CSMD1: variants seen among roughly 807,000 people sequenced by gnomAD.
CSMD1 encodes the protein CUB and Sushi multiple domains 1.
A neutral mutation model predicts 417.5 loss-of-function variants in CSMD1; 213 were observed. That is an observed-to-expected ratio of 0.51 (90% CI 0.46 to 0.57). The LOEUF (loss-of-function observed/expected upper bound fraction) is 0.57. Ranked by LOEUF, CSMD1 falls within the 20% of genes least tolerant of loss-of-function variation. The pLI is 0.00. For synonymous variants in CSMD1, 2,862 were observed against 1,736.8 expected, an observed-to-expected ratio of 1.65 and a Z score of -16.11; for missense variants, 6,923 against 4,529.7, an observed-to-expected ratio of 1.53 and a Z score of -15.17.
intron 7 of CSMD1, among the ~76,000 whole-genome samples, chr8:3,675,804 G>T (rs962558958): frequency 6.6e-6 from 1 of 152,146 alleles, no homozygotes; most frequent in Non-Finnish European, 1.5e-5. Flanking sequence ...ATGATATTTT[G>T]TTATAGCAGC....
intron 1 of CSMD1, among the ~76,000 whole-genome samples, chr8:4,712,714 C>G (rs928496432): frequency 2.0e-5 from 3 of 152,024 alleles, no homozygotes; most frequent in African/African-American, 4.8e-5. Context: ...GTTTTTTTCT[C>G]TCTCTCTTTT....
intron 5 of CSMD1, among the ~76,000 whole-genome samples, chr8:3,870,430 T>A: frequency 6.6e-6 from 1 of 152,186 alleles, no homozygotes; most frequent in East Asian, 1.9e-4. Context: ...TTTATATGCA[T>A]ATATCTTTAC....
intron 2 of CSMD1, among the ~76,000 whole-genome samples, chr8:4,545,428 C>G (rs960574505): frequency 2.0e-5 from 3 of 152,182 alleles, no homozygotes; most frequent in Admixed American, 2.0e-4. Flanking sequence ...AAGAGTCCTA[C>G]ATATTAGGAG....
At chr8:3,009,530 A>C (rs1471147363) in intron 52 of CSMD1, among the ~76,000 whole-genome samples, 1 of 152,208 alleles carries the variant, frequency 6.6e-6, no homozygotes, top group African/African-American at 2.4e-5. Flanking sequence ...TGTCAGGTGC[A>C]TCAGATTCAC....
intron 2 of CSMD1, among the ~76,000 whole-genome samples, chr8:4,566,122 C>T (rs1798594042): frequency 6.6e-6 from 1 of 152,030 alleles, no homozygotes; most frequent in Non-Finnish European, 1.5e-5. Context: ...CAGGAATATA[C>T]ATCACATGAT....
chr8:2,973,062 A>C (rs1422801421), intron 57 of CSMD1, 55 bp downstream of exon 57: 1 of 1,540,566 alleles, frequency 6.5e-7, no homozygotes, highest in Non-Finnish European at 8.8e-7. Context: ...GCATTTTAGA[A>C]CGAGCTGTGT....
intron 4 of CSMD1, among the ~76,000 whole-genome samples, chr8:4,016,962 T>A (rs899988635): frequency 6.6e-6 from 1 of 152,104 alleles, no homozygotes; most frequent in Non-Finnish European, 1.5e-5. Flanking sequence ...AAAGTCAAAA[T>A]CCCTAATGTC....
At chr8:3,835,628 G>A (rs1304932704) in intron 5 of CSMD1, among the ~76,000 whole-genome samples, 2 of 151,654 alleles carry the variant, frequency 1.3e-5, no homozygotes, top group Non-Finnish European at 2.9e-5. Flanking sequence ...GAGTTAATGG[G>A]TGCAGCACAC....
intron 3 of CSMD1, among the ~76,000 whole-genome samples, chr8:4,389,475 T>C (rs1377645707): frequency 6.6e-6 from 1 of 151,800 alleles, no homozygotes; most frequent in African/African-American, 2.4e-5. Flanking sequence ...TTAGTGCTTT[T>C]TTTTCTCAGA....
At chr8:4,490,866 G>T (rs569721373) in intron 2 of CSMD1, among the ~76,000 whole-genome samples, 2 of 152,342 alleles carry the variant, frequency 1.3e-5, no homozygotes, top group South Asian at 4.1e-4. Flanking sequence ...GTTACAGGAC[G>T]TGATTTAATA....
chr8:4,887,599 G>A (rs1174788150), intron 1 of CSMD1, among the ~76,000 whole-genome samples: 1 of 151,620 alleles, frequency 6.6e-6, no homozygotes, highest in Admixed American at 6.6e-5. Flanking sequence ...ATCTATTTCT[G>A]CTTTTTAATT....
intron 2 of CSMD1, among the ~76,000 whole-genome samples, chr8:4,598,112 C>T (rs1388777580): frequency 2.6e-5 from 4 of 152,100 alleles, no homozygotes. Flanking sequence ...CTTCCTCAAA[C>T]TTCCCCTGTA....
intron 33 of CSMD1, among the ~76,000 whole-genome samples, chr8:3,191,036 G>C (rs977263509): frequency 1.3e-5 from 2 of 152,146 alleles, no homozygotes; most frequent in African/African-American, 4.8e-5. Flanking sequence ...GTATGCCCTG[G>C]AGACCTGCTC....
chr8:4,439,660 G>A (rs772650834), intron 2 of CSMD1, among the ~76,000 whole-genome samples: 5 of 152,178 alleles, frequency 3.3e-5, no homozygotes, highest in African/African-American at 4.8e-5. Context: ...GTTGGTAGGA[G>A]TGCGTACTAT....
rs369668291 is a variant in CSMD1, at chr8:4,811,713, T to C, written c.86-174155A>G. Reference sequence around the variant, plus strand: ...TCACAGAAATAAGAAAAAAAATGAATACTGATTCATTTTTTTTGCTTCGTT... The same window carrying C: ...TCACAGAAATAAGAAAAAAAATGAACACTGATTCATTTTTTTTGCTTCGTT... On this transcript the variant is annotated intron_variant, in intron 1 of 69. Transcript: ENST00000635120. Among the ~76,000 whole-genome samples, 17 of 152,232 alleles carry C rather than the reference T, an allele frequency of 1.1e-4. No homozygotes were observed. The East Asian group carries it at 2.9e-3, about 26-fold the overall frequency.
intron 5 of CSMD1, among the ~76,000 whole-genome samples, chr8:3,879,656 T>C (rs992732545): frequency 6.6e-6 from 1 of 152,192 alleles, no homozygotes; most frequent in Non-Finnish European, 1.5e-5. Context: ...TTTTTCTGTG[T>C]AGACACCAAT....
intron 5 of CSMD1, among the ~76,000 whole-genome samples, chr8:3,927,678 T>A (rs767717602): frequency 6.6e-6 from 1 of 151,772 alleles, no homozygotes; most frequent in Non-Finnish European, 1.5e-5. Context: ...CATCTCAAAA[T>A]AGAAAAGAAA....
chr8:3,563,649 G>C (rs1007863436), intron 10 of CSMD1, among the ~76,000 whole-genome samples: 1 of 152,100 alleles, frequency 6.6e-6, no homozygotes, highest in African/African-American at 2.4e-5. Flanking sequence ...CCAGCACTTT[G>C]GGAGGCTGAG....
chr8:4,462,727 A>G (rs1321420155), intron 2 of CSMD1, among the ~76,000 whole-genome samples: 1 of 152,190 alleles, frequency 6.6e-6, no homozygotes, highest in Non-Finnish European at 1.5e-5. Context: ...TGCCAAAACA[A>G]TCAAGAAAAA....
Sources: allele counts gnomAD v4.1 joint callset (sites outside exome capture counted in the v4.1 genomes callset), GRCh38; gene constraint gnomAD v4.1.1; transcripts MANE v1.5; gene names NCBI Gene and HGNC (gene_info 2026-07-23, HGNC 2026-07-21).